The following DLG2 variants were observed in gnomAD, a reference collection of about 807,000 sequenced individuals.
DLG2 encodes the protein disks large homolog 2.
Under a neutral mutation model 132.5 loss-of-function variants are expected in DLG2, and 45 were observed. The observed-to-expected ratio is 0.34, with a 90% confidence interval of 0.27 to 0.44. DLG2 has a LOEUF of 0.44. Among genes scored for constraint, DLG2 ranks in the 20% least tolerant of loss-of-function variants. The pLI is 1.00. For missense variants in DLG2, 1,045 were observed against 1,196.9 expected (o/e 0.87, Z 1.87); for synonymous variants, 424 against 419.6 (o/e 1.01, Z -0.13).
intron 9 of DLG2, among the ~76,000 whole-genome samples, chr11:84,133,349 C>T (rs886618654): frequency 1.9e-4 from 29 of 151,942 alleles, no homozygotes; most frequent in African/African-American, 6.5e-4. Flanking sequence ...TAACTGAGGT[C>T]ACATGACTTC....
rs1053403423 is a variant in DLG2, at chr11:84,184,282, A to G, written c.574-20771T>C. Among the ~76,000 whole-genome samples the G allele has an allele frequency of 1.2e-3, 185 of 151,126 alleles. 2 individuals are homozygous for G. Among genetic ancestry groups the G allele is most frequent in the Non-Finnish European group, 1.9e-3 (129 of 67,308 alleles). On this transcript the variant is annotated intron_variant, in intron 8 of 27. Transcript: ENST00000376104. ...TGATTGCCATTCTAACTGGTGTGAG[A>G]TGGTATCTCATTGTGGTTTTGATTT... is the stretch of plus-strand genomic sequence containing the variant.
intron 6 of DLG2, among the ~76,000 whole-genome samples, chr11:85,061,537 G>T (rs1162117314): frequency 6.6e-6 from 1 of 151,600 alleles, no homozygotes; most frequent in Non-Finnish European, 1.5e-5. Context: ...GTCAGTCAAG[G>T]CTCAAAAAAA....
intron 6 of DLG2, among the ~76,000 whole-genome samples, chr11:85,035,816 C>A (rs1440322166): frequency 6.6e-6 from 1 of 152,138 alleles, no homozygotes; most frequent in Non-Finnish European, 1.5e-5. Flanking sequence ...TTTGATTAAG[C>A]TAAAAAGAAA....
At chr11:85,069,255 G>A (rs2154165948) in intron 6 of DLG2, among the ~76,000 whole-genome samples, 1 of 152,254 alleles carries the variant, frequency 6.6e-6, no homozygotes, top group Non-Finnish European at 1.5e-5. Flanking sequence ...AGGACTTCAT[G>A]TCTAAAACAC....
intron 7 of DLG2, among the ~76,000 whole-genome samples, chr11:84,388,155 T>G (rs2098778495): frequency 6.6e-6 from 1 of 152,210 alleles, no homozygotes; most frequent in Non-Finnish European, 1.5e-5. Context: ...CGACTTATCC[T>G]ACAGATACAC....
chr11:83,804,839 T>G (rs1421642542), intron 17 of DLG2, among the ~76,000 whole-genome samples: 1 of 152,192 alleles, frequency 6.6e-6, no homozygotes, highest in Admixed American at 6.6e-5. Context: ...ATTTTTTTCT[T>G]AAATCCAGGA....
chr11:83,650,760 G>A (rs2069999933), intron 18 of DLG2, among the ~76,000 whole-genome samples: 2 of 152,078 alleles, frequency 1.3e-5, no homozygotes, highest in Non-Finnish European at 2.9e-5. Context: ...ATCATTTAAG[G>A]AAGTGTATAA....
At chr11:83,707,124 C>T (rs1460256254) in intron 18 of DLG2, among the ~76,000 whole-genome samples, 1 of 152,092 alleles carries the variant, frequency 6.6e-6, no homozygotes, top group African/African-American at 2.4e-5. Context: ...AAGTGGTCTG[C>T]CTGAGGTCAT....
intron 4 of DLG2, among the ~76,000 whole-genome samples, chr11:85,198,884 G>A (rs970807696): frequency 3.3e-5 from 5 of 152,048 alleles, no homozygotes; most frequent in East Asian, 1.9e-4. Context: ...CTGGGGCTCC[G>A]TGCTTTTGTA....
At chr11:83,862,716 T>TTTA (rs1283723256) in intron 16 of DLG2, among the ~76,000 whole-genome samples, 16 of 152,148 alleles carry the variant, frequency 1.1e-4, no homozygotes. Context: ...CTACAAACTT[T>TTTA]AAAACTCTGT....
chr11:84,403,001 T>TTTATAC, intron 7 of DLG2, among the ~76,000 whole-genome samples: 1 of 112,898 alleles, frequency 8.9e-6, no homozygotes, highest in African/African-American at 4.7e-5. Context: ...CAATTCTCTC[T>TTTATAC]CTCTCTCTCT....
chr11:85,262,212 G>T (rs998507492), intron 4 of DLG2, among the ~76,000 whole-genome samples: 1 of 152,144 alleles, frequency 6.6e-6, no homozygotes, highest in African/African-American at 2.4e-5. Context: ...AGTTTTTTAA[G>T]TGGCCATGTG....
chr11:85,543,530 T>C (rs1316652111), intron 3 of DLG2, among the ~76,000 whole-genome samples: 3 of 152,208 alleles, frequency 2.0e-5, no homozygotes, highest in Non-Finnish European at 4.4e-5. Context: ...TCAAATGGTA[T>C]TTCTAGTTCT....
At chr11:84,314,227 A>T (rs966123026) in intron 7 of DLG2, among the ~76,000 whole-genome samples, 4 of 152,184 alleles carry the variant, frequency 2.6e-5, no homozygotes, top group African/African-American at 9.7e-5. Flanking sequence ...GAGTCCCTGA[A>T]CTATTTTAAA....
chr11:84,957,704 C>A (rs879636010), intron 6 of DLG2, among the ~76,000 whole-genome samples: 2 of 152,176 alleles, frequency 1.3e-5, no homozygotes, highest in Non-Finnish European at 2.9e-5. Context: ...AGCACCAGGA[C>A]TGGCAGAAAA....
At chr11:84,741,019 G>A (rs989198889) in intron 6 of DLG2, among the ~76,000 whole-genome samples, 1 of 149,396 alleles carries the variant, frequency 6.7e-6, no homozygotes, top group Non-Finnish European at 1.5e-5. Context: ...CATGGCAGAT[G>A]CGCCCCAGGC....
intron 6 of DLG2, among the ~76,000 whole-genome samples, chr11:84,900,101 C>T (rs2090706100): frequency 6.6e-6 from 1 of 152,012 alleles, no homozygotes; most frequent in African/African-American, 2.4e-5. Flanking sequence ...GTAAGAAATG[C>T]TCTCACCTAA....
intron 7 of DLG2, among the ~76,000 whole-genome samples, chr11:84,493,608 G>A (rs1200393937): frequency 6.6e-6 from 1 of 152,030 alleles, no homozygotes; most frequent in East Asian, 1.9e-4. Flanking sequence ...AGCAGGCACT[G>A]GAGTCACTCA....
Position 84,736,711 on chromosome 11 carries a change from C to A in DLG2, c.358-201980G>T, listed in dbSNP as rs1479019958. Among the ~76,000 whole-genome samples the A allele has an allele frequency of 2.0e-5, 3 of 151,846 alleles. No homozygotes were observed. The South Asian group carries it at 6.2e-4, about 31-fold the overall frequency. ...TAACTGTTGTTAGTACGTAGAAATACAAATACAAAGTTTGTATATTGTCCT... is the reference window on the plus strand; with the variant it reads ...TAACTGTTGTTAGTACGTAGAAATAAAAATACAAAGTTTGTATATTGTCCT... On this transcript the variant is annotated intron_variant, in intron 6 of 27. Transcript: ENST00000376104.
Sources: gnomAD v4.1 joint callset for allele counts (sites outside exome capture counted in the v4.1 genomes callset) on GRCh38, gnomAD v4.1.1 for gene constraint, MANE v1.5 for transcripts, NCBI Gene and HGNC (gene_info 2026-07-23, HGNC 2026-07-21) for gene names.